HPGDS: variants seen among roughly 807,000 people sequenced by gnomAD.
HPGDS encodes the protein GST class-sigma.
Under a neutral mutation model 23.1 loss-of-function variants are expected in HPGDS, and 26 were observed. That is an observed-to-expected ratio of 1.13 (90% confidence interval 0.83 to 1.56). The LOEUF is 1.56. HPGDS is among the 40% of genes most tolerant of loss of function. The pLI is 0.00. For synonymous variants in HPGDS, 95 were observed against 77.9 expected, an observed-to-expected ratio of 1.22 and a Z score of -1.16; for missense variants, 268 against 236.4, an observed-to-expected ratio of 1.13 and a Z score of -0.88.
rs1478581544 is a variant in HPGDS at position 94,336,148 on chromosome 4, G to A, written c.-9-1510C>T. Among the ~76,000 whole-genome samples the A allele has an allele frequency of 2.0e-5, 3 of 150,512 alleles. 1 individual carries two copies. In the Admixed American group the frequency reaches 2.0e-4, roughly 10 times the overall value. On this transcript the variant is annotated intron_variant, in intron 1 of 5. Coordinates refer to ENST00000295256, the MANE Select transcript of HPGDS (RefSeq NM_014485.3). ...TTGAACCCCAGAGGTGGAGGTTGCA[G>A]TGACCCAAGATCACGCCACTGCACT...
chr4:94,308,029 C>G (rs954974452), intron 4 of HPGDS, among the ~76,000 whole-genome samples: 1 of 152,024 alleles, frequency 6.6e-6, no homozygotes, highest in African/African-American at 2.4e-5. Context: ...TGTTGAATTC[C>G]AGACTTTTTC....
At chr4:94,336,155 A>C (rs1277003179) in intron 1 of HPGDS, among the ~76,000 whole-genome samples, 2 of 151,278 alleles carry the variant, frequency 1.3e-5, no homozygotes, top group Non-Finnish European at 2.9e-5. Context: ...GCAGTGACCC[A>C]AGATCACGCC....
intron 2 of HPGDS, among the ~76,000 whole-genome samples, chr4:94,333,293 A>G (rs1756764528): frequency 6.6e-6 from 1 of 152,228 alleles, no homozygotes; most frequent in Non-Finnish European, 1.5e-5. Context: ...TTAAATCAGC[A>G]TCTCTCAATT....
At position 94,298,779 on chromosome 4, in the gene HPGDS, G is replaced by C. The variant is rs1254514132; in HGVS notation, c.*701C>G. On this transcript the variant is annotated 3_prime_UTR_variant, in exon 6 of 6. Coordinates refer to ENST00000295256, the MANE Select transcript of HPGDS (RefSeq NM_014485.3). ...GCATATCTAGAGCCTTTTGAGCCGT[G>C]TCAGATTCCCACAGTCAGCTCTTTT... is the stretch of plus-strand genomic sequence containing the variant. The C allele has an allele frequency of 6.6e-6, 1 of 152,068 alleles. No homozygotes were observed. Among genetic ancestry groups the C allele is most frequent in the Non-Finnish European group, 1.5e-5 (1 of 68,014 alleles). 9.4% of individuals were successfully genotyped at this position (152,068 alleles called of 1,614,324 possible).
chr4:94,309,141 T>A (rs962087979), intron 3 of HPGDS, among the ~76,000 whole-genome samples: 7 of 149,762 alleles, frequency 4.7e-5, no homozygotes, highest in Non-Finnish European at 1.0e-4. Flanking sequence ...TTAATTATAC[T>A]TTAAGTTCTA....
rs1756133397 is a variant in HPGDS at position 94,306,099 on chromosome 4, G to T, written c.336+2535C>A. ...TTCTGATCACTTATTCAACAAGTGT[G>T]TAATGCCTACTATGTAAAAGGCACT... On this transcript the variant is annotated intron_variant, in intron 4 of 5. Coordinates refer to ENST00000295256, the MANE Select transcript of HPGDS (RefSeq NM_014485.3). Among the ~76,000 whole-genome samples the T allele has an allele frequency of 2.0e-5, 3 of 152,108 alleles. No homozygotes were observed. The South Asian group carries it at 6.2e-4, about 32-fold the overall frequency.
rs544481696 is a variant in HPGDS, at chr4:94,322,884, T to C, written c.134-4919A>G. Among the ~76,000 whole-genome samples the C allele has an allele frequency of 5.3e-5, 8 of 152,360 alleles. No individual in the cohort carries two copies. In the East Asian group the frequency reaches 1.5e-3, roughly 29 times the overall value. ...TGTCAATTTCAGATCTTTTCTGCTTTCTCTTGTGGGCATTTAGTGCTATAA... is the reference window on the plus strand; with the variant it reads ...TGTCAATTTCAGATCTTTTCTGCTTCCTCTTGTGGGCATTTAGTGCTATAA... On this transcript the variant is annotated intron_variant, in intron 2 of 5. Transcript: ENST00000295256.
chr4:94,332,177 A>G (rs541582006), intron 2 of HPGDS, among the ~76,000 whole-genome samples: 1 of 152,200 alleles, frequency 6.6e-6, no homozygotes, highest in East Asian at 1.9e-4. Flanking sequence ...ACTTGACTTC[A>G]GGGGAAGACT....
Position 94,299,514 on chromosome 4 carries a change from TTA to T in HPGDS, c.564_565del (p.Asn189LeufsTer39). 3 of 1,613,726 alleles carry T rather than the reference TTA, an allele frequency of 1.9e-6. No individual in the cohort carries two copies. The highest frequency in any genetic ancestry group is 2.5e-6 in the Non-Finnish European group (3 of 1,179,892). ...GGTTTGGGGCCTTCGTTTTATCCAG[TTA>T]GCGACGGCAGGAATGGCTTGGACTT... On this transcript the variant is annotated frameshift_variant, in exon 6 of 6. Coordinates refer to ENST00000295256, the MANE Select transcript of HPGDS (RefSeq NM_014485.3). LOFTEE classifies it high-confidence loss of function.
intron 3 of HPGDS, among the ~76,000 whole-genome samples, chr4:94,314,728 C>A (rs1756358385): frequency 2.6e-5 from 4 of 152,170 alleles, no homozygotes; most frequent in Admixed American, 2.6e-4. Context: ...CTATGCCCTG[C>A]CCCCAGAGGT....
chr4:94,320,720 C>T (rs1756488648), intron 2 of HPGDS, among the ~76,000 whole-genome samples: 1 of 152,186 alleles, frequency 6.6e-6, no homozygotes, highest in South Asian at 2.1e-4. Context: ...GTTGCCTGTT[C>T]ACTCTAATGG....
chr4:94,319,115 A>G (rs764352673), intron 2 of HPGDS, among the ~76,000 whole-genome samples: 9 of 152,176 alleles, frequency 5.9e-5, no homozygotes, highest in Non-Finnish European at 1.0e-4. Context: ...TTATCTGTCC[A>G]GTGCTGACAG....
At position 94,341,855 on chromosome 4, in the gene HPGDS, T is replaced by TCC. The variant is rs1225499952; in HGVS notation, c.-10+939_-10+940insGG. ...GTGTTCTGAAATGTAAAAATTGGAT[T>TCC]CAGACAGCAATCATGTGAGATACTA... On this transcript the variant is annotated intron_variant, in intron 1 of 5. Transcript: ENST00000295256. Among the ~76,000 whole-genome samples, 12 of 152,204 alleles carry TCC rather than the reference T, an allele frequency of 7.9e-5. No homozygotes were observed. In the East Asian group the frequency reaches 2.3e-3, roughly 29 times the overall value.
At chr4:94,337,795 G>GT (rs1721055242) in intron 1 of HPGDS, among the ~76,000 whole-genome samples, 2 of 152,254 alleles carry the variant, frequency 1.3e-5, no homozygotes, top group African/African-American at 2.4e-5. Flanking sequence ...CAAAGTGATT[G>GT]TTTTTTATTA....
At chr4:94,334,935 G>A (rs1560596087) in intron 1 of HPGDS, among the ~76,000 whole-genome samples, 1 of 152,066 alleles carries the variant, frequency 6.6e-6, no homozygotes, top group African/African-American at 2.4e-5. Flanking sequence ...AACCTTCAGA[G>A]CATGGAGCAA....
intron 4 of HPGDS, among the ~76,000 whole-genome samples, chr4:94,302,693 C>G (rs1227978387): frequency 1.3e-5 from 2 of 152,026 alleles, no homozygotes; most frequent in Non-Finnish European, 2.9e-5. Flanking sequence ...TTCTTCGTTT[C>G]ACTATTGCGT....
intron 3 of HPGDS, among the ~76,000 whole-genome samples, chr4:94,311,113 T>A (rs536307570): frequency 1.3e-5 from 2 of 152,214 alleles, no homozygotes; most frequent in Non-Finnish European, 2.9e-5. Context: ...CTTTTCCTAA[T>A]TGAATAACAT....
intron 1 of HPGDS, among the ~76,000 whole-genome samples, chr4:94,342,291 C>G (rs1423576117): frequency 6.6e-6 from 1 of 151,856 alleles, no homozygotes; most frequent in Non-Finnish European, 1.5e-5. Context: ...ATCTCTGAAG[C>G]CAAAAGATGA....
intron 2 of HPGDS, among the ~76,000 whole-genome samples, chr4:94,330,490 AAAG>A (rs1323127828): frequency 1.3e-5 from 2 of 152,168 alleles, no homozygotes; most frequent in African/African-American, 2.4e-5. Flanking sequence ...TTTGGTTGTA[AAAG>A]AAGGAGTAAT....
Sources: allele counts gnomAD v4.1 joint callset (sites outside exome capture counted in the v4.1 genomes callset), GRCh38; gene constraint gnomAD v4.1.1; transcripts MANE v1.5; gene names NCBI Gene and HGNC (gene_info 2026-07-23, HGNC 2026-07-21).